The following ZNF493 variants were observed in gnomAD, a reference collection of about 807,000 sequenced individuals.
ZNF493 encodes the protein zinc finger protein 493.
Under a neutral mutation model 12.2 loss-of-function variants are expected in ZNF493, and 11 were observed. The observed-to-expected ratio is 0.90, with a 90% CI of 0.57 to 1.50. ZNF493 has a LOEUF of 1.50. ZNF493 is among the 40% of genes most tolerant of loss of function. ZNF493 has a pLI of 0.00. For missense variants in ZNF493, 950 were observed against 906.6 expected (o/e 1.05, Z -0.61); for synonymous variants, 286 against 302.6 (o/e 0.95, Z 0.57).
rs2030724620 is a variant in ZNF493 at position 21,422,927 on chromosome 19, T to G, written c.268T>G (p.Phe90Val). ...ATTTCTTTCAGTTATATGTTCTCAT[T>G]TTGCTGAAGACTTTTGCCCAGGGCC... ...VVKPPVICSH[F>V]AEDFCPGPGI... The change falls in exon 4 of 4, where the codon TTT becomes GTT. Residue 90 changes from phenylalanine (F) to valine (V), a missense_variant. By Grantham distance (50) the Phe-to-Val change is conservative (BLOSUM62 -1). Coordinates refer to ENST00000392288, the MANE Select transcript of ZNF493 (RefSeq NM_001076678.3). 1 of 1,556,560 alleles carries G rather than the reference T, an allele frequency of 6.4e-7. No homozygotes were observed. The highest frequency in any genetic ancestry group is 8.6e-7 in the Non-Finnish European group (1 of 1,156,548).
chr19:21,404,998 A>G, intron 1 of ZNF493, 131 bp from the exon 2 acceptor site: 2 of 1,448,114 alleles, frequency 1.4e-6, no homozygotes, highest in Admixed American at 2.7e-5. Flanking sequence ...AAATTGTTGG[A>G]TAATTTCAGT....
At chr19:21,398,718 A>T (rs1475446305) in intron 1 of ZNF493, 1 of 239,900 alleles carries the variant, frequency 4.2e-6, no homozygotes, top group Non-Finnish European at 8.4e-6. Flanking sequence ...ACCCTTTGAA[A>T]TGTTAAAATT....
intron 3 of ZNF493, chr19:21,411,832 C>T (rs2030336738): frequency 6.7e-6 from 1 of 149,686 alleles, no homozygotes; most frequent in Non-Finnish European, 1.5e-5. Context: ...GGCTGAATCT[C>T]AGCTTACTGT....
intron 3 of ZNF493, among the ~76,000 whole-genome samples, chr19:21,420,590 A>ATT (rs1177485766): frequency 2.4e-4 from 6 of 25,192 alleles, no homozygotes; most frequent in Admixed American, 6.5e-4. Flanking sequence ...TACTCACTTG[A>ATT]TTATATATAT....
intron 3 of ZNF493, among the ~76,000 whole-genome samples, chr19:21,416,546 T>C (rs934599262): frequency 6.6e-6 from 1 of 152,200 alleles, no homozygotes; most frequent in Non-Finnish European, 1.5e-5. Context: ...AGAGAAAAGA[T>C]TGAAATGTTG....
At chr19:21,399,291 G>C (rs1049322894) in intron 1 of ZNF493, among the ~76,000 whole-genome samples, 19 of 151,976 alleles carry the variant, frequency 1.3e-4, no homozygotes, top group Admixed American at 5.2e-4. Context: ...CTCCCAAGTA[G>C]CTGGGACTAC....
At chr19:21,404,231 T>C in intron 1 of ZNF493, among the ~76,000 whole-genome samples, 1 of 152,218 alleles carries the variant, frequency 6.6e-6, no homozygotes, top group East Asian at 1.9e-4. Flanking sequence ...ATATCTGCAT[T>C]TTGAACTCTG....
intron 3 of ZNF493, chr19:21,407,818 T>C: frequency 2.0e-6 from 2 of 985,410 alleles, no homozygotes; most frequent in Non-Finnish European, 1.2e-6. Context: ...AGAATTCTTT[T>C]TTCATTATTC....
chr19:21,417,792 G>A (rs2030538407), intron 3 of ZNF493, among the ~76,000 whole-genome samples: 1 of 152,158 alleles, frequency 6.6e-6, no homozygotes, highest in South Asian at 2.1e-4. Flanking sequence ...TGCCCACCAA[G>A]TTTTAAATTG....
chr19:21,401,567 A>G (rs532153887), intron 1 of ZNF493, among the ~76,000 whole-genome samples: 1 of 151,946 alleles, frequency 6.6e-6, no homozygotes, highest in Non-Finnish European at 1.5e-5. Context: ...ATTCAGCTGT[A>G]AATTTGTGTG....
chr19:21,425,167 A>T lies in ZNF493; in HGVS notation c.*183A>T, dbSNP rs1372939782. On this transcript the variant is annotated 3_prime_UTR_variant, in exon 4 of 4. Transcript: ENST00000392288. ...TACCTTACTAAATATAAGATAATTC[A>T]TATTGGAGAGAAATTCTACAGATGT... 2.6e-6 allele frequency: 2 copies of T among 764,014 alleles called. No homozygotes were observed. The highest frequency in any genetic ancestry group is 4.4e-6 in the Non-Finnish European group (2 of 456,148). The allele number at this position is 764,014 out of a possible 1,614,324, so 47.3% of individuals were successfully genotyped here.
At chr19:21,420,774 C>T (rs1371002507) in intron 3 of ZNF493, among the ~76,000 whole-genome samples, 1 of 121,412 alleles carries the variant, frequency 8.2e-6, no homozygotes, top group South Asian at 2.5e-4. Flanking sequence ...TTTTTTGAGA[C>T]GAAGTTTTGC....
At chr19:21,405,931 C>T in intron 3 of ZNF493, 75 bp downstream of exon 3, 3 of 653,640 alleles carry the variant, frequency 4.6e-6, no homozygotes, top group Non-Finnish European at 6.5e-6. Context: ...AAAAAAAAAG[C>T]CAGTCCTGGC....
chr19:21,399,229 C>T (rs531813366), intron 1 of ZNF493, among the ~76,000 whole-genome samples: 66 of 152,080 alleles, frequency 4.3e-4, no homozygotes, highest in Non-Finnish European at 7.8e-4. Context: ...GGCCCGATCT[C>T]GGCTCGCTGA....
At position 21,410,060 on chromosome 19, in the gene ZNF493, G is replaced by GTGTATATA. The variant is rs1491483385; in HGVS notation, c.253+4205_253+4206insGTATATAT. ...AAGACTGAATAATATTTCATTGTGT[G>GTGTATATA]TATATATATATATATATATATATAT... On this transcript the variant is annotated intron_variant, in intron 3 of 3. Transcript: ENST00000392288. Among the ~76,000 whole-genome samples the GTGTATATA allele has an allele frequency of 1.3e-3, 55 of 43,950 alleles. 1 individual carries two copies. The highest frequency in any genetic ancestry group is 3.5e-3 in the African/African-American group (53 of 15,126). The allele number at this position is 43,950 out of a possible 152,430, so 28.8% of individuals were successfully genotyped here.
chr19:21,408,632 C>T (rs2030216548), intron 3 of ZNF493: 6 of 985,050 alleles, frequency 6.1e-6, no homozygotes, highest in Non-Finnish European at 7.2e-6. Flanking sequence ...AGTTAAACGT[C>T]TCTTCCTGTG....
intron 3 of ZNF493, among the ~76,000 whole-genome samples, chr19:21,410,371 G>A (rs1599372220): frequency 1.3e-5 from 2 of 152,010 alleles, no homozygotes; most frequent in South Asian, 4.2e-4. Context: ...CAACATATTT[G>A]GTGTGCTTAA....
At chr19:21,422,687 T>G (rs2030716438) in intron 3 of ZNF493, among the ~76,000 whole-genome samples, 1 of 152,096 alleles carries the variant, frequency 6.6e-6, no homozygotes, top group African/African-American at 2.4e-5. Context: ...CCCTTCTGTG[T>G]GACTTTGTGC....
intron 3 of ZNF493, chr19:21,412,679 A>G (rs2145287683): frequency 5.2e-6 from 1 of 193,264 alleles, no homozygotes; most frequent in South Asian, 7.6e-5. Flanking sequence ...AAGTGTTTTT[A>G]TCCATTTTAA....
Sources: gnomAD v4.1 joint callset for allele counts (sites outside exome capture counted in the v4.1 genomes callset) on GRCh38, gnomAD v4.1.1 for gene constraint, MANE v1.5 for transcripts, NCBI Gene and HGNC (gene_info 2026-07-23, HGNC 2026-07-21) for gene names.